OAS2: variants seen among roughly 807,000 people sequenced by gnomAD.
OAS2 encodes the protein 2'-5'-oligoadenylate synthetase 2, also known as 2'-5'-oligoadenylate synthase 2.
A neutral mutation model predicts 71.3 loss-of-function variants in OAS2; 67 were observed. The ratio of observed to expected loss-of-function variants is 0.94; its 90% CI spans 0.77 to 1.15. The LOEUF (loss-of-function observed/expected upper bound fraction) is 1.15, where lower values mean the gene tolerates loss of function less well. Among genes scored for constraint, OAS2 ranks in the 50% most tolerant of loss-of-function variants. OAS2 has a pLI of 0.00. For synonymous variants in OAS2, 327 were observed against 321.8 expected, an observed-to-expected ratio of 1.02 and a Z score of -0.17; for missense variants, 789 against 822.5, an observed-to-expected ratio of 0.96 and a Z score of 0.50.
At chr12:112,985,912 C>G (rs1228216854) in intron 1 of OAS2, among the ~76,000 whole-genome samples, 6 of 152,210 alleles carry the variant, frequency 3.9e-5, no homozygotes, top group Admixed American at 6.5e-5. Context: ...TTTGAGGTTA[C>G]AGTGAGATAT....
chr12:112,989,434 G>A (rs1376281907), intron 2 of OAS2, among the ~76,000 whole-genome samples: 4 of 152,210 alleles, frequency 2.6e-5, no homozygotes, highest in African/African-American at 9.7e-5. Flanking sequence ...ATCAATGCAG[G>A]TAAGATGTAC....
Position 113,010,659 on chromosome 12 carries a change from A to G in OAS2, c.*1404A>G. 1 of 867,460 alleles carries G rather than the reference A, an allele frequency of 1.2e-6. No individual in the cohort carries two copies. The highest frequency in any genetic ancestry group is 1.6e-6 in the Non-Finnish European group (1 of 632,180). 53.7% of individuals were successfully genotyped at this position (867,460 alleles called of 1,614,324 possible). ...TTGCCTTGCTGAACTCCCTCTCTGC[A>G]GGCAGCCTGCCTTTAAAAATAGTTG... is the stretch of plus-strand genomic sequence containing the variant. On this transcript the variant is annotated 3_prime_UTR_variant, in exon 10 of 10. Coordinates refer to ENST00000392583, the MANE Select transcript of OAS2 (RefSeq NM_002535.3).
At chr12:112,987,487 A>C in intron 2 of OAS2, 179 bp downstream of exon 2, 4 of 1,443,728 alleles carry the variant, frequency 2.8e-6, no homozygotes, top group Non-Finnish European at 3.6e-6. Context: ...TCTGGAACTA[A>C]CTTCTCCCCC....
intron 5 of OAS2, among the ~76,000 whole-genome samples, chr12:112,999,707 C>T (rs776451598): frequency 5.9e-5 from 9 of 152,246 alleles, no homozygotes; most frequent in East Asian, 1.9e-4. Flanking sequence ...CCAATTTTCC[C>T]GGCTTCTTCA....
chr12:112,994,389 G>A (rs574929212), intron 2 of OAS2, among the ~76,000 whole-genome samples: 2 of 152,260 alleles, frequency 1.3e-5, no homozygotes, highest in South Asian at 4.1e-4. Flanking sequence ...TGGTGTTTCA[G>A]TAACAGTAAT....
In OAS2 at chr12:112,997,564, C is replaced by T. The variant is rs770696879; in HGVS notation, c.672C>T (p.Ala224=). 1 of 1,614,100 alleles carries T rather than the reference C, an allele frequency of 6.2e-7. No homozygotes were observed. Among genetic ancestry groups the T allele is most frequent in the South Asian group, 1.1e-5 (1 of 91,056 alleles). The change falls in exon 4 of 10, where the codon GCC becomes GCT. Residue 224 remains alanine, a synonymous_variant. Coordinates refer to ENST00000392583, the MANE Select transcript of OAS2 (RefSeq NM_002535.3). The part of the protein sequence containing the change: ...IKDLPSLSPY[A]LELLTVYAWE... ...ATTTACCCTCGCTGTCTCCGTATGC[C>T]CTGGAGCTGCTTACGGTGTATGCCT...
intron 2 of OAS2, among the ~76,000 whole-genome samples, chr12:112,993,692 C>A (rs902811569): frequency 6.6e-6 from 1 of 151,438 alleles, no homozygotes; most frequent in Non-Finnish European, 1.5e-5. Flanking sequence ...CCAGCCTGGG[C>A]AACAGGCTTT....
At position 113,003,110 on chromosome 12, in the gene OAS2, C is replaced by T; in HGVS notation, c.1179+8C>T. On this transcript the variant is annotated splice_region_variant and intron_variant, in intron 6 of 9. Transcript: ENST00000392583. ...AAGATCCAGATTGTCCGGGTGAGCA[C>T]TGGCCTTTCTCATGTCTTGTTGGAA... is the stretch of plus-strand genomic sequence containing the variant. 6.2e-7 allele frequency: 1 copy of T among 1,613,846 alleles called. No individual in the cohort carries two copies. Among genetic ancestry groups the T allele is most frequent in the Admixed American group, 1.7e-5 (1 of 60,022 alleles).
At chr12:113,008,129 G>GA (rs1312364919) in intron 9 of OAS2, among the ~76,000 whole-genome samples, 186 bp downstream of exon 9, 3 of 152,146 alleles carry the variant, frequency 2.0e-5, no homozygotes, top group Admixed American at 6.5e-5. Context: ...ATGCTGTTCA[G>GA]AAAAAATAGA....
At chr12:112,995,260 A>G in intron 2 of OAS2, 36 bp from the exon 3 acceptor site, 11 of 1,581,644 alleles carry the variant, frequency 7.0e-6, no homozygotes, top group South Asian at 2.3e-5. Context: ...ACCAGGTTAC[A>G]TAAATAACAA....
chr12:112,992,426 G>GGAGGGGAGGGGAAGA (rs1185200688), intron 2 of OAS2, among the ~76,000 whole-genome samples: 6 of 151,204 alleles, frequency 4.0e-5, no homozygotes, highest in Admixed American at 2.6e-4. Context: ...AAAGAAAAGG[G>GGAGGGGAGGGGAAGA]GAGGGGAGGG....
At chr12:113,008,935 A>T in intron 9 of OAS2, 152 bp from the exon 10 acceptor site, 1 of 1,321,318 alleles carries the variant, frequency 7.6e-7, no homozygotes, top group Non-Finnish European at 1.0e-6. Flanking sequence ...GCCTCTAGAA[A>T]GTTACTTTGA....
At chr12:112,981,411 G>T (rs1406783229) in intron 1 of OAS2, among the ~76,000 whole-genome samples, 1 of 151,944 alleles carries the variant, frequency 6.6e-6, no homozygotes, top group Non-Finnish European at 1.5e-5. Flanking sequence ...ACAGACGGGG[G>T]CCTAGTTTCA....
intron 5 of OAS2, among the ~76,000 whole-genome samples, chr12:113,001,968 G>T (rs1478046002): frequency 1.3e-5 from 2 of 151,788 alleles, no homozygotes; most frequent in Admixed American, 1.3e-4. Flanking sequence ...CCAGGAATTG[G>T]AGACTGCAGT....
In OAS2 at chr12:113,002,932, C is replaced by T. The variant is rs2044301875; in HGVS notation, c.1009C>T (p.Pro337Ser). ...CTTGGGGTCTTCCTTCCTTCCCCAG[C>T]CTGCACCACTCTTCACGACCCCAGG... is the stretch of plus-strand genomic sequence containing the variant. Reference protein sequence around the residue: ...ELPAPSWNVLPAPLFTTPGHL... With the variant: ...ELPAPSWNVLSAPLFTTPGHL... Residue 337 changes from proline (P) to serine (S), a missense_variant and splice_region_variant, in exon 6 of 10, where the codon CCT becomes TCT. Physicochemically the swap from Pro to Ser is moderately conservative, Grantham distance 74 (BLOSUM62 -1). Coordinates refer to ENST00000392583, the MANE Select transcript of OAS2 (RefSeq NM_002535.3). The T allele has an allele frequency of 6.2e-7, 1 of 1,613,680 alleles. No homozygotes were observed. The highest frequency in any genetic ancestry group is 1.3e-5 in the African/African-American group (1 of 74,888).
Position 113,002,986 on chromosome 12 carries a change from T to G in OAS2, c.1063T>G (p.Phe355Val). The change falls in exon 6 of 10, where the codon TTT (phenylalanine) becomes GTT (valine). Residue 355 changes from phenylalanine (F) to valine (V), a missense_variant. Transcript: ENST00000392583. ...CCTTCTGGATAAGTTCATCAAGGAG[T>G]TTCTCCAGCCCAACAAATGCTTCCT... is the stretch of plus-strand genomic sequence containing the variant. ...GHLLDKFIKE[F>V]LQPNKCFLEQ... The G allele has an allele frequency of 6.2e-7, 1 of 1,614,148 alleles. No individual in the cohort carries two copies. The highest frequency in any genetic ancestry group is 8.5e-7 in the Non-Finnish European group (1 of 1,180,004).
chr12:112,995,329 G>A lies in OAS2; in HGVS notation c.482G>A (p.Arg161Gln), dbSNP rs1483786075. 2.5e-6 allele frequency: 4 copies of A among 1,613,518 alleles called. No individual in the cohort carries two copies. The highest frequency in any genetic ancestry group is 1.7e-5 in the Admixed American group (1 of 59,924). The change falls in exon 3 of 10, where the codon CGA becomes CAA. Residue 161 changes from arginine (R) to glutamine (Q), a missense_variant. Coordinates refer to ENST00000392583, the MANE Select transcript of OAS2 (RefSeq NM_002535.3). Reference sequence around the variant, plus strand: ...GATAATCCCAGCCCCTGGATCTATCGAGAGCTCAAAAGATCCTTGGATAAG... The same window carrying A: ...GATAATCCCAGCCCCTGGATCTATCAAGAGCTCAAAAGATCCTTGGATAAG... Reference protein sequence around the residue: ...LNDNPSPWIYRELKRSLDKTN... With the variant: ...LNDNPSPWIYQELKRSLDKTN...
chr12:112,995,621 C>T (rs1385683507), intron 3 of OAS2, 147 bp downstream of exon 3: 13 of 751,640 alleles, frequency 1.7e-5, no homozygotes, highest in Admixed American at 2.8e-5. Flanking sequence ...ACATAGGGAA[C>T]GTTTCGTGTA....
chr12:112,986,717 G>T (rs945961385), intron 1 of OAS2, among the ~76,000 whole-genome samples: 1 of 151,890 alleles, frequency 6.6e-6, no homozygotes, highest in Non-Finnish European at 1.5e-5. Context: ...CCCCAGATGC[G>T]CACAGGCACC....
Sources: gnomAD v4.1 joint callset for allele counts (sites outside exome capture counted in the v4.1 genomes callset) on GRCh38, gnomAD v4.1.1 for gene constraint, MANE v1.5 for transcripts, NCBI Gene and HGNC (gene_info 2026-07-23, HGNC 2026-07-21) for gene names.